COL4A1: variants seen among roughly 807,000 people sequenced by gnomAD.
The protein encoded by COL4A1 is collagen type IV alpha 1 chain, also known as collagen alpha-1(IV) chain.
COL4A1 carries 40 observed loss-of-function variants against 216.6 expected under a neutral mutation model. The ratio of observed to expected loss-of-function variants is 0.18; its 90% confidence interval spans 0.14 to 0.24. The LOEUF (loss-of-function observed/expected upper bound fraction) is 0.24, where lower values mean the gene tolerates loss of function less well. COL4A1 is among the 10% of genes least tolerant of loss of function. The pLI is 1.00. For missense variants in COL4A1, 1,628 were observed against 2,196.8 expected (o/e 0.74, Z 5.18); for synonymous variants, 839 against 810.7 (o/e 1.03, Z -0.59).
intron 2 of COL4A1, among the ~76,000 whole-genome samples, chr13:110,217,721 G>A (rs1446038528): frequency 6.6e-6 from 1 of 152,200 alleles, no homozygotes; most frequent in African/African-American, 2.4e-5. Context: ...GACTACTGCT[G>A]TGTCCCCAAA....
At chr13:110,176,797 G>A (rs951518432) in intron 34 of COL4A1, 73 bp from the exon 35 acceptor site, 24 of 1,613,756 alleles carry the variant, frequency 1.5e-5, no homozygotes, top group African/African-American at 4.0e-5. Context: ...ACGCAGGTTG[G>A]TTTGGTTATT....
intron 26 of COL4A1, 122 bp from the exon 27 acceptor site, chr13:110,183,398 G>T: frequency 1.1e-6 from 1 of 883,300 alleles, no homozygotes; most frequent in Non-Finnish European, 1.8e-6. Flanking sequence ...TGCCCGGAGA[G>T]CAGAGCCTCT....
chr13:110,234,909 T>A (rs572391546), intron 2 of COL4A1, among the ~76,000 whole-genome samples: 81 of 152,294 alleles, frequency 5.3e-4, no homozygotes, highest in Non-Finnish European at 9.8e-4. Flanking sequence ...ATTCAATTGA[T>A]CTCAAAAAAT....
chr13:110,210,289 T>C, intron 8 of COL4A1, 77 bp from the exon 9 acceptor site: 1 of 1,383,094 alleles, frequency 7.2e-7, no homozygotes, highest in Admixed American at 1.8e-5. Context: ...CTTTGATAGT[T>C]GGCATATATT....
At chr13:110,214,255 A>C (rs1377820777) in intron 2 of COL4A1, among the ~76,000 whole-genome samples, 2 of 151,894 alleles carry the variant, frequency 1.3e-5, no homozygotes, top group Non-Finnish European at 2.9e-5. Context: ...CACGCTGGCT[A>C]ATTTTTGTAT....
chr13:110,197,676 G>A (rs138428467), intron 21 of COL4A1, among the ~76,000 whole-genome samples: 95 of 152,304 alleles, frequency 6.2e-4, no homozygotes, highest in Non-Finnish European at 1.0e-3. Context: ...TCCTGGCCCA[G>A]CCCCCAACAG....
intron 1 of COL4A1, among the ~76,000 whole-genome samples, chr13:110,257,820 T>C (rs985358658): frequency 1.3e-5 from 2 of 152,254 alleles, no homozygotes; most frequent in East Asian, 1.9e-4. Flanking sequence ...TATGTAGCTA[T>C]TGAAATGTGC....
At chr13:110,219,678 G>GTGTATATATATATGTATATATA (rs1555307860) in intron 2 of COL4A1, among the ~76,000 whole-genome samples, 4 of 123,236 alleles carry the variant, frequency 3.2e-5, no homozygotes, top group African/African-American at 1.3e-4. Context: ...ATATATATAT[G>GTGTATATATATATGTATATATA]TGTATATATA....
intron 2 of COL4A1, among the ~76,000 whole-genome samples, chr13:110,226,982 T>C (rs1051666331): frequency 1.3e-5 from 2 of 152,220 alleles, no homozygotes; most frequent in African/African-American, 4.8e-5. Context: ...TTCACCTCAA[T>C]GCTCTTCATA....
At chr13:110,171,406 T>C (rs945730779) in intron 41 of COL4A1, among the ~76,000 whole-genome samples, 1 of 152,186 alleles carries the variant, frequency 6.6e-6, no homozygotes, top group Non-Finnish European at 1.5e-5. Flanking sequence ...TTTCATGGTG[T>C]AGACCTATGT....
intron 50 of COL4A1, among the ~76,000 whole-genome samples, chr13:110,153,397 C>T (rs1239438054): frequency 1.3e-5 from 2 of 152,212 alleles, no homozygotes; most frequent in African/African-American, 4.8e-5. Context: ...TCGTTTGCTC[C>T]TGATTTAGAC....
intron 51 of COL4A1, among the ~76,000 whole-genome samples, chr13:110,150,838 A>T (rs914045861): frequency 1.3e-5 from 2 of 152,238 alleles, no homozygotes; most frequent in African/African-American, 4.8e-5. Context: ...GGTAAGAAGA[A>T]GATATTATTC....
At chr13:110,181,890 A>G (rs1878173809) in intron 28 of COL4A1, among the ~76,000 whole-genome samples, 1 of 152,224 alleles carries the variant, frequency 6.6e-6, no homozygotes, top group Non-Finnish European at 1.5e-5. Context: ...CTGATGGGCT[A>G]TGAAGCTGGC....
intron 4 of COL4A1, among the ~76,000 whole-genome samples, 187 bp downstream of exon 4, chr13:110,213,595 G>C (rs550478338): frequency 4.1e-4 from 63 of 152,336 alleles, no homozygotes; most frequent in African/African-American, 1.4e-3. Context: ...CCATGGGAAG[G>C]ACTGGGGCTC....
chr13:110,208,936 G>C, intron 11 of COL4A1, 46 bp from the exon 12 acceptor site: 1 of 1,579,616 alleles, frequency 6.3e-7, no homozygotes, highest in Non-Finnish European at 8.7e-7. Context: ...TGTCTACTTC[G>C]TTCAAAGTCA....
chr13:110,211,666 G>C lies in COL4A1; in HGVS notation c.449C>G (p.Pro150Arg). 1 of 1,611,270 alleles carries C rather than the reference G, an allele frequency of 6.2e-7. No individual in the cohort carries two copies. Among genetic ancestry groups the C allele is most frequent in the Non-Finnish European group, 8.5e-7 (1 of 1,178,976 alleles). Residue 150 changes from proline (P) to arginine (R), a missense_variant, in exon 8 of 52, where the codon CCA (proline) becomes CGA (arginine). By Grantham distance (103) the Pro-to-Arg change is moderately radical (BLOSUM62 -2). Transcript: ENST00000375820. This position sits in a 1 kb window ranked among gnomAD's most constrained non-coding sequence, Gnocchi z 4.3. The stretch of plus-strand genomic sequence containing the variant: ...ATGTACCTTCATCCCTGGTAAGCCT[G>C]GTGGTCCCTAAAAAAGAAAGTTTTG... Reference protein sequence around the residue: ...LPGFAGNPGPPGLPGMKGDPG... With the variant: ...LPGFAGNPGPRGLPGMKGDPG...
At chr13:110,153,000 C>G (rs186689146) in intron 50 of COL4A1, among the ~76,000 whole-genome samples, 3 of 151,934 alleles carry the variant, frequency 2.0e-5, no homozygotes, top group Non-Finnish European at 4.4e-5. Context: ...GAGAGAAAAA[C>G]AAGAGAAAGA....
intron 1 of COL4A1, among the ~76,000 whole-genome samples, chr13:110,259,726 A>AT (rs1267186652): frequency 9.9e-5 from 15 of 152,278 alleles, no homozygotes; most frequent in African/African-American, 3.4e-4. Flanking sequence ...AAATAGAAAT[A>AT]GGTCAGTCAA....
chr13:110,173,817 T>G (rs1398535132), intron 40 of COL4A1, 83 bp downstream of exon 40: 2 of 1,516,878 alleles, frequency 1.3e-6, no homozygotes, highest in Non-Finnish European at 1.8e-6. Context: ...GTGCCCAGCT[T>G]TATTCACTGA....
Sources: allele counts gnomAD v4.1 joint callset (sites outside exome capture counted in the v4.1 genomes callset), GRCh38; gene constraint gnomAD v4.1.1; non-coding constraint Gnocchi (gnomAD v3.1); transcripts MANE v1.5; gene names NCBI Gene and HGNC (gene_info 2026-07-23, HGNC 2026-07-21).